LY6S: variants seen among roughly 807,000 people sequenced by gnomAD.
LY6S encodes lymphocyte antigen 6 family member S.
the LY6S span, among the ~76,000 whole-genome samples, chr8:143,073,171 G>A: frequency 6.6e-6 from 1 of 150,828 alleles, no homozygotes; most frequent in African/African-American, 2.5e-5. Flanking sequence ...CGGGGTTCCT[G>A]TTTGAGGAGA....
the LY6S span, among the ~76,000 whole-genome samples, chr8:143,064,820 C>T: frequency 1.3e-5 from 2 of 152,302 alleles, no homozygotes; most frequent in East Asian, 1.9e-4. Context: ...TTGCTCCAGT[C>T]GGGATCTGGA....
chr8:143,064,630 A>C, the LY6S span, among the ~76,000 whole-genome samples: 8 of 152,218 alleles, frequency 5.3e-5, no homozygotes, highest in Admixed American at 1.3e-4. Context: ...GGACCTGTCT[A>C]TTCAAAGGTG....
the LY6S span, among the ~76,000 whole-genome samples, chr8:143,075,962 T>C: frequency 6.6e-6 from 1 of 152,198 alleles, no homozygotes. The surrounding 1 kb of genome is among the most constrained non-coding windows in gnomAD (Gnocchi z 4.1). Context: ...CAGAGAATAT[T>C]GTCAGTGTGG....
chr8:143,062,674 A>G, the LY6S span, among the ~76,000 whole-genome samples: 1 of 152,250 alleles, frequency 6.6e-6, no homozygotes, highest in East Asian at 1.9e-4. Flanking sequence ...CTCCATCTCA[A>G]AGAAATAAAA....
At chr8:143,064,495 T>C in the LY6S span, among the ~76,000 whole-genome samples, 1 of 152,174 alleles carries the variant, frequency 6.6e-6, no homozygotes, top group African/African-American at 2.4e-5. Flanking sequence ...ATATTGTAAA[T>C]ATACCCAGTT....
chr8:143,044,602 C>G, the LY6S span: 1 of 1,248,912 alleles, frequency 8.0e-7, no homozygotes. Context: ...TGTAGGGGGA[C>G]CTTGGTCCAT....
the LY6S span, chr8:143,057,674 G>A: frequency 1.1e-6 from 1 of 874,308 alleles, no homozygotes; most frequent in Non-Finnish European, 2.0e-6. Flanking sequence ...TCAGCCGCTG[G>A]CGGGATGAAT....
At chr8:143,066,430 G>A in the LY6S span, 1 of 199,020 alleles carries the variant, frequency 5.0e-6, no homozygotes, top group Non-Finnish European at 1.0e-5. Flanking sequence ...CCAAAGTGCT[G>A]GGATTACAGG....
chr8:143,065,783 T>TTCTCTCTCTTTCTTTCTTTCTTTCTTTC, the LY6S span: 1 of 115,224 alleles, frequency 8.7e-6, no homozygotes, highest in Non-Finnish European at 1.7e-5. Flanking sequence ...CTTTCTTTCT[T>TTCTCTCTCTTTCTTTCTTTCTTTCTTTC]TTTCTTTCTT....
the LY6S span, chr8:143,066,515 T>G: frequency 7.2e-6 from 2 of 276,332 alleles, no homozygotes; most frequent in Non-Finnish European, 1.4e-5. Context: ...CAGGCACCAT[T>G]CGTGCAGCGA....
the LY6S span, among the ~76,000 whole-genome samples, chr8:143,072,276 CCGGGG>C: frequency 1.2e-3 from 58 of 46,494 alleles, 1 homozygote; most frequent in East Asian, 2.9e-3. Context: ...GCCGTCGTCC[CCGGGG>C]TTCCTGTTTG....
At chr8:143,042,775 G>A in the LY6S span, among the ~76,000 whole-genome samples, 1 of 152,162 alleles carries the variant, frequency 6.6e-6, no homozygotes, top group South Asian at 2.1e-4. Flanking sequence ...TGGCAAGCTG[G>A]ATGGAGCTGG....
the LY6S span, among the ~76,000 whole-genome samples, chr8:143,050,176 CTT>C: frequency 7.0e-5 from 8 of 114,866 alleles, no homozygotes; most frequent in African/African-American, 1.6e-4. Context: ...CAAAACCTGA[CTT>C]TTTTTTTTTT....
At chr8:143,057,406 T>A in the LY6S span, 1 of 447,724 alleles carries the variant, frequency 2.2e-6, no homozygotes, top group Non-Finnish European at 4.2e-6. Context: ...CCTGCCACCA[T>A]GCCCGGCTAC....
At chr8:143,062,660 G>A in the LY6S span, among the ~76,000 whole-genome samples, 1 of 152,184 alleles carries the variant, frequency 6.6e-6, no homozygotes, top group African/African-American at 2.4e-5. Context: ...GTGACAGAGT[G>A]AGACTCCATC....
the LY6S span, chr8:143,053,862 C>G: frequency 6.6e-6 from 1 of 152,140 alleles, no homozygotes; most frequent in South Asian, 2.1e-4. Context: ...ATCAATCTCC[C>G]GCTCTATCCT....
At chr8:143,070,391 TTA>T in the LY6S span, among the ~76,000 whole-genome samples, 139 of 129,306 alleles carry the variant, frequency 1.1e-3, 1 homozygote, top group African/African-American at 4.2e-3. Flanking sequence ...ATATATATAT[TTA>T]TATATATTTT....
At chr8:143,058,283 G>A in the LY6S span, among the ~76,000 whole-genome samples, 1 of 152,252 alleles carries the variant, frequency 6.6e-6, no homozygotes, top group Non-Finnish European at 1.5e-5. Flanking sequence ...GACTGGTAGA[G>A]GCCCCGAATG....
the LY6S span, among the ~76,000 whole-genome samples, chr8:143,052,075 A>T: frequency 6.6e-6 from 1 of 151,422 alleles, no homozygotes; most frequent in Non-Finnish European, 1.5e-5. Context: ...AGGTCAGGAG[A>T]TGGAGACCAT....
Sources: allele counts gnomAD v4.1 joint callset (sites outside exome capture counted in the v4.1 genomes callset), GRCh38; gene constraint gnomAD v4.1.1; non-coding constraint Gnocchi (gnomAD v3.1); transcripts MANE v1.5; gene names NCBI Gene and HGNC (gene_info 2026-07-23, HGNC 2026-07-21).